HMCN2: variants seen among roughly 807,000 people sequenced by gnomAD.
The protein encoded by HMCN2 is hemicentin-2.
A neutral mutation model predicts 377.5 loss-of-function variants in HMCN2; 325 were observed. That is an observed-to-expected ratio of 0.86 (90% CI 0.79 to 0.94). HMCN2 has a LOEUF of 0.94. HMCN2 is among the 40% of genes least tolerant of loss of function. The pLI is 0.00. For missense variants in HMCN2, 4,543 were observed against 4,725.3 expected (o/e 0.96, Z 1.13); for synonymous variants, 2,007 against 2,046.8 (o/e 0.98, Z 0.53).
intron 56 of HMCN2, among the ~76,000 whole-genome samples, 195 bp from the exon 57 acceptor site, chr9:130,383,309 C>T (rs1228586045): frequency 6.6e-6 from 1 of 152,086 alleles, no homozygotes; most frequent in East Asian, 1.9e-4. Flanking sequence ...CAGAGAACCA[C>T]CCAACACCAA....
chr9:130,382,055 C>A, intron 54 of HMCN2, 129 bp from the exon 55 acceptor site: 1 of 212,308 alleles, frequency 4.7e-6, no homozygotes, highest in Non-Finnish European at 8.2e-6. Flanking sequence ...CAGGCCGATT[C>A]TCCTCATTTC....
intron 1 of HMCN2, among the ~76,000 whole-genome samples, chr9:130,271,784 C>T (rs782194263): frequency 4.0e-5 from 6 of 148,978 alleles, no homozygotes; most frequent in Non-Finnish European, 6.0e-5. Flanking sequence ...ACTTCTAAAA[C>T]CTCCCTTAGC....
At chr9:130,424,716 C>G in intron 87 of HMCN2, 60 bp from the exon 88 acceptor site, 2 of 1,443,340 alleles carry the variant, frequency 1.4e-6, no homozygotes. Flanking sequence ...GGACCTTGAA[C>G]AGGAGGTGGC....
At chr9:130,272,446 G>A (rs781973717) in intron 1 of HMCN2, among the ~76,000 whole-genome samples, 4 of 125,376 alleles carry the variant, frequency 3.2e-5, no homozygotes, top group Non-Finnish European at 7.8e-5. Context: ...TCACTATGTT[G>A]GCCAGGCTGG....
At chr9:130,431,545 A>G (rs977392404) in intron 96 of HMCN2, 59 bp downstream of exon 96, 37 of 1,527,678 alleles carry the variant, frequency 2.4e-5, no homozygotes, top group Non-Finnish European at 1.9e-5. Context: ...GCAGCGTGGG[A>G]TGGGACATGT....
chr9:130,406,078 C>T lies in HMCN2; in HGVS notation c.12463C>T (p.Arg4155Cys), dbSNP rs748943679. ...CACCCTGCCTGGGGACCGCAGCCTG[C>T]GCCTTGGGGACAGGCTGTGGCTTCG... ...FTTLPGDRSLRLGDRLWLRCA... is the reference protein window; with the variant it reads ...FTTLPGDRSLCLGDRLWLRCA... Residue 4155 changes from arginine to cysteine, a missense_variant, in exon 82 of 98, where the codon CGC becomes TGC. By Grantham distance (180) the Arg-to-Cys change is radical (BLOSUM62 -3). This residue lies in a region of HMCN2 where 1,073 missense variants were observed against 1,319.5 expected (regional missense o/e 0.81). Transcript: ENST00000683500. 2.2e-5 allele frequency: 29 copies of T among 1,289,748 alleles called. No homozygotes were observed. The highest frequency in any genetic ancestry group is 2.1e-4 in the Middle Eastern group (1 of 4,714). 79.9% of individuals were successfully genotyped at this position (1,289,748 alleles called of 1,614,324 possible). A position where few individuals can be genotyped will look rare whatever the true frequency, so the allele number is the denominator to read the frequency against.
rs924833679 is a variant in HMCN2, at chr9:130,352,971, G to A, written c.4630G>A (p.Val1544Ile). 35 of 1,302,004 alleles carry A rather than the reference G, an allele frequency of 2.7e-5. No homozygotes were observed. The Admixed American group carries it at 4.4e-4, about 16-fold the overall frequency. 80.7% of individuals were successfully genotyped at this position (1,302,004 alleles called of 1,614,324 possible). The stretch of plus-strand genomic sequence containing the variant: ...CTCCAACGAGACAGGCGAGGTGGCC[G>A]TCATGGAGGACCACCTAGTGCAGCT... ...WGSNETGEVA[V>I]MEDHLVQLLC... The change falls in exon 31 of 98, where the codon GTC (valine) becomes ATC (isoleucine). Residue 1544 changes from valine (V) to isoleucine (I), a missense_variant. This residue lies in a region of HMCN2 where 1,032 missense variants were observed against 1,285.1 expected (regional missense o/e 0.80). Transcript: ENST00000683500.
At chr9:130,268,967 G>C (rs975690900) in intron 1 of HMCN2, among the ~76,000 whole-genome samples, 1 of 148,964 alleles carries the variant, frequency 6.7e-6, no homozygotes, top group Non-Finnish European at 1.5e-5. Flanking sequence ...AGGCCTGGCT[G>C]TGCCTTTTGA....
intron 34 of HMCN2, 137 bp downstream of exon 34, chr9:130,356,394 T>C: frequency 1.2e-6 from 1 of 853,134 alleles, no homozygotes; most frequent in South Asian, 1.7e-5. Context: ...ACTTCCCAGT[T>C]CCCCACAGAG....
intron 8 of HMCN2, among the ~76,000 whole-genome samples, chr9:130,302,459 C>T (rs1445510147): frequency 2.0e-5 from 3 of 152,198 alleles, no homozygotes; most frequent in Non-Finnish European, 2.9e-5. Flanking sequence ...GGAGCCTAAT[C>T]CTAGTTGGTA....
chr9:130,403,427 T>C (rs1842949361), intron 79 of HMCN2, 99 bp downstream of exon 79: 2 of 1,205,986 alleles, frequency 1.7e-6, no homozygotes, highest in African/African-American at 1.6e-5. Context: ...CCCGCAGACC[T>C]GCTGAGAGGT....
intron 80 of HMCN2, 30 bp from the exon 81 acceptor site, chr9:130,404,839 G>A (rs1223189189): frequency 7.5e-6 from 9 of 1,200,984 alleles, no homozygotes; most frequent in Non-Finnish European, 9.6e-6. Flanking sequence ...CCTGAGCCCC[G>A]GTTCCGAGTG....
rs555377256 is a variant in HMCN2, at chr9:130,375,777, CAT to C, written c.7804+42_7804+43del. 211 of 984,078 alleles carry C rather than the reference CAT, an allele frequency of 2.1e-4. 1 individual carries two copies. The African/African-American group carries it at 3.4e-3, about 16-fold the overall frequency. 61.0% of individuals were successfully genotyped at this position (984,078 alleles called of 1,614,324 possible). On this transcript the variant is annotated intron_variant, in intron 50 of 97. Coordinates refer to ENST00000683500, the MANE Select transcript of HMCN2 (RefSeq NM_001291815.2). Reference sequence around the variant, plus strand: ...GGGAAAGGAGGGAGGGAACAGGTGACATGTCATCAGAATTGGAGGAGAGGACC... The same window carrying C: ...GGGAAAGGAGGGAGGGAACAGGTGACGTCATCAGAATTGGAGGAGAGGACC...
intron 13 of HMCN2, among the ~76,000 whole-genome samples, chr9:130,307,219 C>T (rs1342906981): frequency 6.6e-6 from 1 of 152,028 alleles, no homozygotes; most frequent in Admixed American, 6.5e-5. Context: ...GCTGTCATGC[C>T]CAGGACTCGG....
rs1047159715 is a variant in HMCN2, at chr9:130,384,387, G to T, written c.8845G>T (p.Ala2949Ser). Residue 2949 changes from alanine (A) to serine (S), a missense_variant, in exon 58 of 98, where the codon GCA (alanine) becomes TCA (serine). This residue lies in a region of HMCN2 where 736 missense variants were observed against 773.2 expected (regional missense o/e 0.95). Coordinates refer to ENST00000683500, the MANE Select transcript of HMCN2 (RefSeq NM_001291815.2). The part of the protein sequence containing the change: ...TLRVQVPPRI[A>S]GLDLEQVTAI... ...TGTGGGGATAGTCCCGCCACGAATCGCAGGCCTGGACTTGGAGCAGGTCAC... is the reference window on the plus strand; with the variant it reads ...TGTGGGGATAGTCCCGCCACGAATCTCAGGCCTGGACTTGGAGCAGGTCAC... 13 of 1,298,350 alleles carry T rather than the reference G, an allele frequency of 1.0e-5. No individual in the cohort carries two copies. The highest frequency in any genetic ancestry group is 1.3e-5 in the Non-Finnish European group (13 of 985,344). 80.4% of individuals were successfully genotyped at this position (1,298,350 alleles called of 1,614,324 possible). A position where few individuals can be genotyped will look rare whatever the true frequency, so the allele number is the denominator to read the frequency against.
chr9:130,337,254 C>G (rs1163204624), intron 22 of HMCN2, among the ~76,000 whole-genome samples: 1 of 152,146 alleles, frequency 6.6e-6, no homozygotes, highest in Non-Finnish European at 1.5e-5. Flanking sequence ...CTGAGCCAGA[C>G]TGGGGAGGAC....
At chr9:130,335,321 T>A (rs1344278886) in intron 22 of HMCN2, among the ~76,000 whole-genome samples, 9 of 152,130 alleles carry the variant, frequency 5.9e-5, no homozygotes, top group Admixed American at 3.3e-4. Context: ...GGTGTCGACA[T>A]GTCAACATAT....
intron 78 of HMCN2, 97 bp from the exon 79 acceptor site, chr9:130,403,097 C>T (rs2131722415): frequency 8.5e-7 from 1 of 1,176,042 alleles, no homozygotes; most frequent in Admixed American, 2.9e-5. Flanking sequence ...CCCCCGTTCT[C>T]CTTAGAGGCC....
intron 22 of HMCN2, among the ~76,000 whole-genome samples, chr9:130,334,755 TCTCTTC>T (rs1838639223): frequency 4.4e-5 from 4 of 90,920 alleles, no homozygotes; most frequent in Non-Finnish European, 1.2e-4. Context: ...TTTCTCTCTC[TCTCTTC>T]TCTCTCTCTC....
Sources: gnomAD v4.1 joint callset for allele counts (sites outside exome capture counted in the v4.1 genomes callset) on GRCh38, gnomAD v4.1.1 for gene constraint, gnomAD v4.1.1 regional missense constraint, MANE v1.5 for transcripts, NCBI Gene and HGNC (gene_info 2026-07-23, HGNC 2026-07-21) for gene names.